Variants in CPEB2 observed in about 807,000 individuals in gnomAD.
The protein encoded by CPEB2 is cytoplasmic polyadenylation element-binding protein 2.
Under a neutral mutation model 93.6 loss-of-function variants are expected in CPEB2, and 56 were observed. The observed-to-expected ratio is 0.60, with a 90% CI of 0.48 to 0.75. The LOEUF is 0.75. Ranked by LOEUF, CPEB2 falls within the 30% of genes least tolerant of loss-of-function variation. The probability of loss-of-function intolerance (pLI) is 0.00; values close to 1 mark genes in which losing one functional copy is unlikely to be tolerated. For synonymous variants in CPEB2, 764 were observed against 586.3 expected (o/e 1.30, Z -4.38); for missense variants, 1,579 against 1,395.1 (o/e 1.13, Z -2.10).
intron 6 of CPEB2, among the ~76,000 whole-genome samples, chr4:15,042,264 A>C (rs1727257458): frequency 6.6e-6 from 1 of 152,230 alleles, no homozygotes; most frequent in South Asian, 2.1e-4. Flanking sequence ...GTTCTTAGGA[A>C]CAAGGTATTA....
intron 6 of CPEB2, among the ~76,000 whole-genome samples, chr4:15,040,948 T>C (rs1577430588): frequency 6.6e-6 from 1 of 152,286 alleles, no homozygotes; most frequent in South Asian, 2.1e-4. Flanking sequence ...TTAACAGTGA[T>C]TTATAGAAAT....
chr4:15,011,246 A>T (rs79121288), intron 3 of CPEB2, among the ~76,000 whole-genome samples: 1 of 151,326 alleles, frequency 6.6e-6, no homozygotes, highest in East Asian at 1.9e-4. Flanking sequence ...GATTACATGC[A>T]TGCACCACCA....
At chr4:15,029,525 T>A (rs1725858077) in intron 4 of CPEB2, among the ~76,000 whole-genome samples, 1 of 152,100 alleles carries the variant, frequency 6.6e-6, no homozygotes, top group African/African-American at 2.4e-5. Flanking sequence ...ATTGATATAT[T>A]AAACCATTAT....
Position 15,066,254 on chromosome 4 carries a change from T to C in CPEB2, c.2979T>C (p.Thr993=). 3 of 1,613,644 alleles carry C rather than the reference T, an allele frequency of 1.9e-6. No individual in the cohort carries two copies. The South Asian group carries it at 3.3e-5, about 18-fold the overall frequency. The change falls in exon 12 of 12, where the codon ACT becomes ACC. Residue 993 remains threonine, a synonymous_variant. Coordinates refer to ENST00000538197, the MANE Select transcript of CPEB2 (RefSeq NM_001177382.2). ...KFAPFFCANV[T]CLQYYCEFCW... Reference sequence around the variant, plus strand: ...CTCCCTTTTTTTGTGCCAATGTCACTTGCCTGCAGTATTACTGTGAGTTTT... The same window carrying C: ...CTCCCTTTTTTTGTGCCAATGTCACCTGCCTGCAGTATTACTGTGAGTTTT...
chr4:15,043,333 C>T (rs763137863), intron 6 of CPEB2, among the ~76,000 whole-genome samples: 62 of 152,186 alleles, frequency 4.1e-4, no homozygotes, highest in Non-Finnish European at 8.1e-4. Flanking sequence ...GCAGAGATTT[C>T]TGTCCCTGCT....
At chr4:15,047,307 G>A (rs1727805594) in intron 6 of CPEB2, among the ~76,000 whole-genome samples, 1 of 152,154 alleles carries the variant, frequency 6.6e-6, no homozygotes, top group Non-Finnish European at 1.5e-5. Flanking sequence ...TGAATTTCTA[G>A]AAGACAGTGT....
intron 11 of CPEB2, chr4:15,063,811 T>TA (rs1432879602): frequency 6.6e-6 from 1 of 152,092 alleles, no homozygotes; most frequent in Non-Finnish European, 1.5e-5. Context: ...TGAATTGAGA[T>TA]ACATGTGCCT....
chr4:15,065,147 T>C (rs1421094662), intron 11 of CPEB2, among the ~76,000 whole-genome samples: 1 of 152,126 alleles, frequency 6.6e-6, no homozygotes, highest in Non-Finnish European at 1.5e-5. Context: ...TCTAGTTTGT[T>C]GTTGTTCTTA....
chr4:15,028,330 A>G (rs1479290011), intron 4 of CPEB2, among the ~76,000 whole-genome samples: 1 of 149,148 alleles, frequency 6.7e-6, no homozygotes, highest in Non-Finnish European at 1.5e-5. Flanking sequence ...TTGTTCTATG[A>G]TTTTTTTTTT....
chr4:15,008,370 C>T lies in CPEB2; in HGVS notation c.1977C>T (p.Gly659=). 6.2e-7 allele frequency: 1 copy of T among 1,613,732 alleles called. No individual in the cohort carries two copies. Among genetic ancestry groups the T allele is most frequent in the Non-Finnish European group, 8.5e-7 (1 of 1,179,814 alleles). ...VRSSLQLPAW[G]SDSLQDSWCT... is the part of the protein sequence containing the mutation. ...CTAGTTTGCAGTTGCCAGCTTGGGG[C>T]TCAGATTCACTCCAAGATAGTTGGT... is the stretch of plus-strand genomic sequence containing the variant. Residue 659 remains glycine (G), a synonymous_variant, in exon 3 of 12, where the codon GGC becomes GGT. Transcript: ENST00000538197.
intron 3 of CPEB2, among the ~76,000 whole-genome samples, chr4:15,013,803 C>A (rs998578678): frequency 2.0e-4 from 30 of 152,034 alleles, no homozygotes; most frequent in Admixed American, 1.9e-3. Context: ...TTACAAAGTA[C>A]AACCAAGCTA....
chr4:15,022,732 T>A (rs1258343706), intron 4 of CPEB2, among the ~76,000 whole-genome samples: 1 of 152,118 alleles, frequency 6.6e-6, no homozygotes, highest in South Asian at 2.1e-4. Context: ...ATTACTCTTA[T>A]AACGTACATG....
intron 5 of CPEB2, among the ~76,000 whole-genome samples, chr4:15,034,292 A>T (rs932644275): frequency 6.6e-6 from 1 of 152,220 alleles, no homozygotes; most frequent in African/African-American, 2.4e-5. Context: ...GGCCATACTG[A>T]GTCATGTGGA....
intron 4 of CPEB2, among the ~76,000 whole-genome samples, chr4:15,024,743 A>ATT (rs59788756): frequency 2.8e-5 from 3 of 108,480 alleles, no homozygotes; most frequent in Admixed American, 9.8e-5. Context: ...TTCTTTGATA[A>ATT]TTTTTTTTTT....
At chr4:15,055,842 C>T (rs1728666417) in intron 8 of CPEB2, among the ~76,000 whole-genome samples, 1 of 152,128 alleles carries the variant, frequency 6.6e-6, no homozygotes, top group African/African-American at 2.4e-5. Flanking sequence ...ACTCTCTAGA[C>T]TGATTGTATC....
chr4:15,066,456 G>T lies in CPEB2; in HGVS notation c.*76G>T. ...TTACTGTGTCTGAAGATACTGACAT[G>T]CAGAAGAAATAAGTGCATTCTTCTG... is the stretch of plus-strand genomic sequence containing the variant. On this transcript the variant is annotated 3_prime_UTR_variant, in exon 12 of 12. Coordinates refer to ENST00000538197, the MANE Select transcript of CPEB2 (RefSeq NM_001177382.2). The T allele has an allele frequency of 9.4e-7, 1 of 1,061,638 alleles. No homozygotes were observed. The highest frequency in any genetic ancestry group is 1.4e-6 in the Non-Finnish European group (1 of 708,434). The allele number at this position is 1,061,638 out of a possible 1,614,324, so 65.8% of individuals were successfully genotyped here.
intron 6 of CPEB2, 68 bp from the exon 7 acceptor site, chr4:15,052,346 T>C: frequency 9.3e-7 from 1 of 1,070,776 alleles, no homozygotes; most frequent in Non-Finnish European, 1.3e-6. Flanking sequence ...TTGTCATTGG[T>C]ATTTTTATGC....
chr4:15,041,160 G>C (rs1176405120), intron 6 of CPEB2, among the ~76,000 whole-genome samples: 1 of 152,042 alleles, frequency 6.6e-6, no homozygotes. Context: ...AACTTCCTAG[G>C]AAAGTAGCTG....
chr4:15,044,463 C>T (rs1018057357), intron 6 of CPEB2, among the ~76,000 whole-genome samples: 2 of 151,982 alleles, frequency 1.3e-5, no homozygotes, highest in Non-Finnish European at 2.9e-5. Context: ...TTTTAGTAAA[C>T]CTAATTTTAA....
Sources: gnomAD v4.1 joint callset for allele counts (sites outside exome capture counted in the v4.1 genomes callset) on GRCh38, gnomAD v4.1.1 for gene constraint, MANE v1.5 for transcripts, NCBI Gene and HGNC (gene_info 2026-07-23, HGNC 2026-07-21) for gene names.